The following ATAD2 variants were observed in gnomAD, a reference collection of about 807,000 sequenced individuals.
The protein encoded by ATAD2 is ATPase family AAA domain containing 2, also known as ATPase family AAA domain-containing protein 2.
ATAD2 carries 62 observed loss-of-function variants against 168.9 expected under a neutral mutation model. That is an observed-to-expected ratio of 0.37 (90% CI 0.30 to 0.45). ATAD2 has a LOEUF of 0.45. ATAD2 is among the 20% of genes least tolerant of loss of function. The pLI, the probability that ATAD2 is intolerant of heterozygous loss-of-function variation, is 1.00. For missense variants in ATAD2, 1,419 were observed against 1,667.8 expected, an observed-to-expected ratio of 0.85 and a Z score of 2.60; for synonymous variants, 613 against 571.6, an observed-to-expected ratio of 1.07 and a Z score of -1.03.
At chr8:123,357,533 T>TC in intron 12 of ATAD2, 29 bp downstream of exon 12, 5 of 1,584,544 alleles carry the variant, frequency 3.2e-6, no homozygotes, top group Non-Finnish European at 4.3e-6. Context: ...TACAGAACTA[T>TC]CCAGATATAT....
At chr8:123,322,842 T>G in intron 27 of ATAD2, 96 bp downstream of exon 27, 9 of 1,322,172 alleles carry the variant, frequency 6.8e-6, no homozygotes, top group Non-Finnish European at 9.3e-6. Flanking sequence ...AATCAGTTTC[T>G]TACACAGATT....
intron 8 of ATAD2, among the ~76,000 whole-genome samples, chr8:123,362,796 G>C (rs949738699): frequency 6.6e-6 from 1 of 152,062 alleles, no homozygotes; most frequent in Non-Finnish European, 1.5e-5. Context: ...TTAAATGCTG[G>C]GAAACAGTGA....
intron 21 of ATAD2, among the ~76,000 whole-genome samples, chr8:123,336,872 A>C (rs937756341): frequency 2.0e-5 from 3 of 151,850 alleles, no homozygotes; most frequent in Non-Finnish European, 4.4e-5. Context: ...GGTCATAATA[A>C]TATCATGCCT....
At chr8:123,374,937 A>C (rs1445506191) in intron 2 of ATAD2, among the ~76,000 whole-genome samples, 1 of 152,154 alleles carries the variant, frequency 6.6e-6, no homozygotes, top group African/African-American at 2.4e-5. Context: ...ACAGTTACTC[A>C]TATCTTTCTG....
intron 1 of ATAD2, among the ~76,000 whole-genome samples, chr8:123,395,603 T>C (rs1812784612): frequency 6.6e-6 from 1 of 152,222 alleles, no homozygotes; most frequent in African/African-American, 2.4e-5. Flanking sequence ...CAAAGGGTTA[T>C]GACGAGGCTT....
chr8:123,356,094 AT>A (rs34496557), intron 13 of ATAD2: 2,277 of 148,966 alleles, frequency 0.015, no homozygotes, highest in East Asian at 0.03. Flanking sequence ...CACCCGGCTA[AT>A]TTTTTTTTTT....
At chr8:123,376,100 G>A (rs144799124) in intron 2 of ATAD2, among the ~76,000 whole-genome samples, 4,155 of 141,446 alleles carry the variant, frequency 0.029, 173 homozygotes, top group African/African-American at 0.1. Context: ...GCAAGACTCC[G>A]TCTCAAAATA....
At chr8:123,401,351 TG>T, upstream of ATAD2, 1 of 1,408,704 alleles carries the variant, frequency 7.1e-7, no homozygotes, top group Non-Finnish European at 1.0e-6. Context: ...AAATACCGCC[TG>T]GACCTGCTCA....
chr8:123,341,677 AT>A (rs1828066267), intron 19 of ATAD2, among the ~76,000 whole-genome samples: 2 of 152,198 alleles, frequency 1.3e-5, no homozygotes, highest in African/African-American at 4.8e-5. Flanking sequence ...GCTAGGTCAG[AT>A]TTCCTAGCCT....
chr8:123,403,671 T>C (rs748945439), intron 1 of ATAD2, among the ~76,000 whole-genome samples: 11 of 152,100 alleles, frequency 7.2e-5, no homozygotes, highest in Non-Finnish European at 1.0e-4. Context: ...AGTCACATGA[T>C]TGGCTCTTTG....
Position 123,322,970 on chromosome 8 carries a change from G to T in ATAD2, c.4099C>A (p.Arg1367Ser). 1 of 1,613,782 alleles carries T rather than the reference G, an allele frequency of 6.2e-7. No individual in the cohort carries two copies. The highest frequency in any genetic ancestry group is 8.5e-7 in the Non-Finnish European group (1 of 1,179,838). ...AVISQCIYRH[R>S]KDHDKTSLIQ... ...AGTGATGTTTTATCATGGTCCTTGCGATGCCGATAAATACATTGGCTGATT... is the reference window on the plus strand; with the variant it reads ...AGTGATGTTTTATCATGGTCCTTGCTATGCCGATAAATACATTGGCTGATT... Residue 1367 changes from arginine to serine, a missense_variant, in exon 27 of 28, where the codon CGC (arginine) becomes AGC (serine). By Grantham distance (110) the Arg-to-Ser change is moderately radical. Transcript: ENST00000287394.
intron 19 of ATAD2, among the ~76,000 whole-genome samples, chr8:123,343,840 T>G (rs906267529): frequency 6.6e-6 from 1 of 152,110 alleles, no homozygotes; most frequent in Non-Finnish European, 1.5e-5. Context: ...TGAGAAACTC[T>G]GATCAAAGAA....
upstream of ATAD2, chr8:123,400,889 G>A (rs149484226): frequency 3.4e-4 from 484 of 1,429,710 alleles, 7 homozygotes; most frequent in East Asian, 0.011. The surrounding 1 kb of genome is among the most constrained non-coding windows in gnomAD (Gnocchi z 4.5). Flanking sequence ...AAGGAGGTGC[G>A]GAAGGTCAAG....
chr8:123,404,169 GC>G lies in ATAD2; in HGVS notation c.-2281-2995del, dbSNP rs1813040583. ...TATGGATTAAAAGTCTCCTTCATAT[GC>G]CCGTTTCCTAGCCATCTTGTCACCC... On this transcript the variant is annotated intron_variant, in intron 1 of 28. Transcript: ENST00000521903. 2.0e-5 allele frequency among the ~76,000 whole-genome samples: 3 copies of G among 152,226 alleles called. No homozygotes were observed. In the South Asian group the frequency reaches 6.2e-4, roughly 32 times the overall value.
chr8:123,334,765 C>T (rs971128780), intron 22 of ATAD2, among the ~76,000 whole-genome samples: 5 of 152,128 alleles, frequency 3.3e-5, no homozygotes, highest in South Asian at 2.1e-4. Flanking sequence ...ACAGGAAACA[C>T]TGGGAAAATC....
chr8:123,355,473 G>A (rs1828612318), intron 13 of ATAD2, among the ~76,000 whole-genome samples: 1 of 152,190 alleles, frequency 6.6e-6, no homozygotes, highest in Admixed American at 6.5e-5. Flanking sequence ...AATAGCACTT[G>A]TAAAAGTGCT....
intron 25 of ATAD2, 27 bp from the exon 26 acceptor site, chr8:123,326,053 ATTT>A (rs1563831251): frequency 6.2e-6 from 10 of 1,610,000 alleles, no homozygotes; most frequent in Non-Finnish European, 5.9e-6. Flanking sequence ...AATGATTATT[ATTT>A]GGTCCATAGA....
chr8:123,351,799 G>A (rs1278689105), intron 13 of ATAD2, among the ~76,000 whole-genome samples: 1 of 150,410 alleles, frequency 6.6e-6, no homozygotes, highest in Non-Finnish European at 1.5e-5. Flanking sequence ...CCAGGCTGGA[G>A]TGCAGTGGCA....
At chr8:123,392,440 G>GCTTA (rs2129959129) in intron 1 of ATAD2, among the ~76,000 whole-genome samples, 1 of 152,092 alleles carries the variant, frequency 6.6e-6, no homozygotes, top group South Asian at 2.1e-4. Context: ...TAGTCACACA[G>GCTTA]CTTACTATAA....
Sources: gnomAD v4.1 joint callset for allele counts (sites outside exome capture counted in the v4.1 genomes callset) on GRCh38, gnomAD v4.1.1 for gene constraint, Gnocchi (gnomAD v3.1) non-coding constraint, MANE v1.5 for transcripts, NCBI Gene and HGNC (gene_info 2026-07-23, HGNC 2026-07-21) for gene names.